Variants in ZNF616 observed in about 807,000 individuals in gnomAD.
The protein encoded by ZNF616 is zinc finger protein 616.
In ZNF616, 5 loss-of-function variants were observed where a neutral mutation model predicts 7.6. The observed-to-expected ratio is 0.66, with a 90% CI of 0.34 to 1.38. ZNF616 has a LOEUF of 1.38. ZNF616 is among the 40% of genes most tolerant of loss of function. The pLI is 0.04. For missense variants in ZNF616, 913 were observed against 948.3 expected, an observed-to-expected ratio of 0.96 and a Z score of 0.49; for synonymous variants, 319 against 317.2, an observed-to-expected ratio of 1.01 and a Z score of -0.06.
At position 52,116,858 on chromosome 19, in the gene ZNF616, T is replaced by C; in HGVS notation, c.306A>G (p.Lys102=). Residue 102 remains lysine, a synonymous_variant, in exon 4 of 4, where the codon AAA becomes AAG. Coordinates refer to ENST00000600228, the MANE Select transcript of ZNF616 (RefSeq NM_178523.5). ...CTTCTTTATCATTTGTTTCACCATC[T>C]TTCCATTGAAATTCAAGGTCATGTA... ...KHLHDLEFQW[K]DGETNDKEVP... is the part of the protein sequence containing the mutation. 2 of 1,613,852 alleles carry C rather than the reference T, an allele frequency of 1.2e-6. No homozygotes were observed. The highest frequency in any genetic ancestry group is 2.2e-5 in the South Asian group (2 of 90,958).
chr19:52,119,842 A>G (rs575646491), intron 3 of ZNF616, among the ~76,000 whole-genome samples: 52 of 152,334 alleles, frequency 3.4e-4, no homozygotes, highest in African/African-American at 1.3e-3. Flanking sequence ...ATTTTATCAA[A>G]TTGAATGTCC....
In ZNF616 at chr19:52,115,975, C is replaced by A; in HGVS notation, c.1189G>T (p.Ala397Ser). The A allele has an allele frequency of 6.2e-7, 1 of 1,614,164 alleles. No homozygotes were observed. The highest frequency in any genetic ancestry group is 1.1e-5 in the South Asian group (1 of 91,078). ...GKVFSKRSSL[A>S]VHRRIHTVEK... The stretch of plus-strand genomic sequence containing the variant: ...ACAGTGTGAATTCGTCGATGCACTG[C>A]AAGACTTGAACGTTTACTGAAGACC... The change falls in exon 4 of 4, where the codon GCA becomes TCA. Residue 397 changes from alanine to serine, a missense_variant. Transcript: ENST00000600228.
rs1034261756 is a variant in ZNF616, at chr19:52,114,566, CA to C, written c.*251del. 2.3e-5 allele frequency: 9 copies of C among 385,714 alleles called. No homozygotes were observed. The highest frequency in any genetic ancestry group is 4.2e-5 in the Non-Finnish European group (9 of 216,238). 23.9% of individuals were successfully genotyped at this position (385,714 alleles called of 1,614,324 possible). A position where few individuals can be genotyped will look rare whatever the true frequency, so the allele number is the denominator to read the frequency against. Reference sequence around the variant, plus strand: ...ACATGGTGAGAATGAGGGCAAGCGACAGGGAAGTGCTATGCACTTCTAAACA... The same window carrying C: ...ACATGGTGAGAATGAGGGCAAGCGACGGGAAGTGCTATGCACTTCTAAACA... On this transcript the variant is annotated 3_prime_UTR_variant, in exon 4 of 4. Coordinates refer to ENST00000600228, the MANE Select transcript of ZNF616 (RefSeq NM_178523.5).
chr19:52,126,172 A>T (rs1289403980), intron 2 of ZNF616, among the ~76,000 whole-genome samples: 1 of 152,212 alleles, frequency 6.6e-6, no homozygotes, highest in Non-Finnish European at 1.5e-5. Flanking sequence ...AAAGAAACCA[A>T]CTGAATCTGT....
At chr19:52,131,176 G>C (rs968069075) in intron 1 of ZNF616, among the ~76,000 whole-genome samples, 1 of 147,520 alleles carries the variant, frequency 6.8e-6, no homozygotes, top group Middle Eastern at 3.6e-3. Context: ...GCTGAGGCAG[G>C]AGAATCACTT....
At position 52,131,454 on chromosome 19, in the gene ZNF616, GT is replaced by G. The variant is rs888758207; in HGVS notation, c.-76-867del. The stretch of plus-strand genomic sequence containing the variant: ...AGGGGGCAAGACTACCACAGCCCCA[GT>G]CTCCCAGCTCTGACCTCCCCTTGGG... On this transcript the variant is annotated intron_variant, in intron 1 of 3. Coordinates refer to ENST00000600228, the MANE Select transcript of ZNF616 (RefSeq NM_178523.5). Among the ~76,000 whole-genome samples, 7 of 152,262 alleles carry G rather than the reference GT, an allele frequency of 4.6e-5. No individual in the cohort carries two copies. The East Asian group carries it at 1.2e-3, about 25-fold the overall frequency.
intron 1 of ZNF616, among the ~76,000 whole-genome samples, chr19:52,131,783 G>A (rs2088962360): frequency 6.6e-6 from 1 of 152,216 alleles, no homozygotes; most frequent in South Asian, 2.1e-4. Flanking sequence ...ATAGTAGTAA[G>A]TTTTGTTTAA....
intron 3 of ZNF616, among the ~76,000 whole-genome samples, chr19:52,117,995 T>C (rs959905327): frequency 6.6e-6 from 1 of 152,122 alleles, no homozygotes; most frequent in Non-Finnish European, 1.5e-5. Context: ...TAGGCTGGAG[T>C]AAAGTGGCAT....
In ZNF616 at chr19:52,130,700, CA is replaced by C. The variant is rs755827745; in HGVS notation, c.-76-113del. On this transcript the variant is annotated intron_variant, in intron 1 of 3. Transcript: ENST00000600228. ...CCTGTGGAGAGACAGCCCACTGCAC[CA>C]GGGGGGATGCAAGAATAATAAATTC... 7.9e-5 allele frequency: 55 copies of C among 698,222 alleles called. No homozygotes were observed. The East Asian group carries it at 1.2e-3, about 15-fold the overall frequency. 43.3% of individuals were successfully genotyped at this position (698,222 alleles called of 1,614,324 possible). A position where few individuals can be genotyped will look rare whatever the true frequency, so the allele number is the denominator to read the frequency against.
intron 2 of ZNF616, among the ~76,000 whole-genome samples, chr19:52,129,876 G>A (rs1233765370): frequency 6.6e-6 from 1 of 151,402 alleles, no homozygotes; most frequent in African/African-American, 2.4e-5. Flanking sequence ...CTCCACCTCC[G>A]GGTTCAAGCT....
chr19:52,137,219 C>T (rs2089019123), intron 1 of ZNF616, among the ~76,000 whole-genome samples: 1 of 151,070 alleles, frequency 6.6e-6, no homozygotes, highest in Non-Finnish European at 1.5e-5. Flanking sequence ...GAGATTGAGA[C>T]CATCCTGGCT....
intron 1 of ZNF616, among the ~76,000 whole-genome samples, chr19:52,135,627 G>A (rs192991269): frequency 1.0e-3 from 158 of 152,202 alleles, no homozygotes; most frequent in African/African-American, 3.3e-3. Flanking sequence ...CACTCTCCCC[G>A]TGGGCTCAGC....
intron 1 of ZNF616, among the ~76,000 whole-genome samples, chr19:52,133,722 A>G (rs932071114): frequency 1.3e-5 from 2 of 152,158 alleles, no homozygotes; most frequent in Non-Finnish European, 2.9e-5. Flanking sequence ...TGTATTGGTC[A>G]GGCTGGTTGC....
chr19:52,132,777 T>A (rs1026344224), intron 1 of ZNF616, among the ~76,000 whole-genome samples: 14 of 152,188 alleles, frequency 9.2e-5, no homozygotes, highest in African/African-American at 3.4e-4. Context: ...GTTTTCTTTA[T>A]AAATTACTCG....
chr19:52,116,016 C>T lies in ZNF616; in HGVS notation c.1148G>A (p.Cys383Tyr), dbSNP rs1363551099. The T allele has an allele frequency of 5.6e-6, 9 of 1,614,082 alleles. No homozygotes were observed. The highest frequency in any genetic ancestry group is 7.6e-6 in the Non-Finnish European group (9 of 1,180,040). Residue 383 changes from cysteine (C) to tyrosine (Y), a missense_variant, in exon 4 of 4, where the codon TGC becomes TAC. By Grantham distance (194) the Cys-to-Tyr change is radical (BLOSUM62 -2). Coordinates refer to ENST00000600228, the MANE Select transcript of ZNF616 (RefSeq NM_178523.5). The stretch of plus-strand genomic sequence containing the variant: ...ACTGAAGACCTTGCCACATTCATTG[C>T]ATTTGTATTGTTTCTCTCCACTGTG... The part of the protein sequence containing the change: ...RIHSGEKQYK[C>Y]NECGKVFSKR...
At chr19:52,128,766 G>A (rs1600126530) in intron 2 of ZNF616, among the ~76,000 whole-genome samples, 1 of 149,384 alleles carries the variant, frequency 6.7e-6, no homozygotes, top group African/African-American at 2.5e-5. Context: ...AAGCTAAAAT[G>A]TTTCCTTGAT....
chr19:52,120,175 G>C (rs750258435), intron 3 of ZNF616, among the ~76,000 whole-genome samples: 3 of 152,140 alleles, frequency 2.0e-5, no homozygotes, highest in Non-Finnish European at 4.4e-5. Flanking sequence ...AGTAATCTGG[G>C]ATATCAAAAA....
At chr19:52,129,546 C>CAACTG (rs2088939669) in intron 2 of ZNF616, among the ~76,000 whole-genome samples, 1 of 152,060 alleles carries the variant, frequency 6.6e-6, no homozygotes, top group South Asian at 2.1e-4. Context: ...GTAAGAGTCC[C>CAACTG]CGCAGGAACA....
At chr19:52,135,614 GC>G (rs1379551977) in intron 1 of ZNF616, among the ~76,000 whole-genome samples, 1 of 152,142 alleles carries the variant, frequency 6.6e-6, no homozygotes, top group Admixed American at 6.5e-5. Flanking sequence ...CACTCCAGCT[GC>G]CCACTCTCCC....
Sources: allele counts gnomAD v4.1 joint callset (sites outside exome capture counted in the v4.1 genomes callset), GRCh38; gene constraint gnomAD v4.1.1; transcripts MANE v1.5; gene names NCBI Gene and HGNC (gene_info 2026-07-23, HGNC 2026-07-21).